The following CCT3 variants were observed in gnomAD, a reference collection of about 807,000 sequenced individuals.
CCT3 encodes the protein T-complex protein 1 subunit gamma.
CCT3 carries 10 observed loss-of-function variants against 65.3 expected under a neutral mutation model. That is an observed-to-expected ratio of 0.15 (90% confidence interval 0.09 to 0.26). The LOEUF (loss-of-function observed/expected upper bound fraction) is 0.26, where lower values mean the gene tolerates loss of function less well. Ranked by LOEUF, CCT3 falls within the 10% of genes least tolerant of loss-of-function variation. The pLI is 1.00. For missense variants in CCT3, 626 were observed against 708.7 expected (o/e 0.88, Z 1.33); for synonymous variants, 225 against 242.3 (o/e 0.93, Z 0.66).
At chr1:156,331,544 G>A (rs550126205) in intron 5 of CCT3, among the ~76,000 whole-genome samples, 30 of 151,948 alleles carry the variant, frequency 2.0e-4, no homozygotes, top group African/African-American at 5.8e-4. Flanking sequence ...TCAGCCAGGC[G>A]TGGTGGCGCA....
At position 156,312,084 on chromosome 1, in the gene CCT3, G is replaced by C; in HGVS notation, c.1112C>G (p.Ala371Gly). Residue 371 changes from alanine (A) to glycine (G), a missense_variant, in exon 11 of 14, where the codon GCC (alanine) becomes GGC (glycine). Ala to Gly is a moderately conservative substitution (Grantham distance 60, BLOSUM62 0). Transcript: ENST00000295688. ...AGCCCCCCGGAGGAGAATGGTGCAG[G>C]CCTTGGGGTCTTTGCAGTCAGTGAT... is the stretch of plus-strand genomic sequence containing the variant. The part of the protein sequence containing the change: ...TFITDCKDPK[A>G]CTILLRGASK... 6.2e-7 allele frequency: 1 copy of C among 1,613,594 alleles called. No individual in the cohort carries two copies. The highest frequency in any genetic ancestry group is 1.7e-5 in the Admixed American group (1 of 59,906).
intron 10 of CCT3, among the ~76,000 whole-genome samples, chr1:156,313,448 A>C (rs2101632278): frequency 6.6e-6 from 1 of 152,208 alleles, no homozygotes; most frequent in Middle Eastern, 3.4e-3. Flanking sequence ...CGACCTAATC[A>C]GGAAGATTAT....
chr1:156,332,634 A>T (rs1207701658), intron 5 of CCT3: 1 of 152,220 alleles, frequency 6.6e-6, no homozygotes, highest in Non-Finnish European at 1.5e-5. Context: ...ACACTGTAAA[A>T]AAAAGTGTCC....
chr1:156,334,681 A>C (rs774870819), intron 4 of CCT3, 32 bp downstream of exon 4: 9 of 1,606,260 alleles, frequency 5.6e-6, no homozygotes, highest in Non-Finnish European at 7.7e-6. Flanking sequence ...ACTGTCAGAA[A>C]GCAAAAAAAC....
At position 156,328,023 on chromosome 1, in the gene CCT3, C is replaced by T. The variant is rs540710417; in HGVS notation, c.305-2934G>A. ...GGAGCCCCTCCGTCCGGCAGCCACC[C>T]CGTCCGGGAGGGAGGTGGGGGTCCA... On this transcript the variant is annotated intron_variant, in intron 5 of 13. Transcript: ENST00000295688. Among the ~76,000 whole-genome samples the T allele has an allele frequency of 7.7e-5, 3 of 39,050 alleles. 1 individual carries two copies. Among genetic ancestry groups the T allele is most frequent in the African/African-American group, 9.9e-5 (1 of 10,060 alleles). The allele number at this position is 39,050 out of a possible 152,430, so 25.6% of individuals were successfully genotyped here.
intron 7 of CCT3, among the ~76,000 whole-genome samples, chr1:156,319,909 G>A (rs1032115430): frequency 2.0e-5 from 3 of 152,100 alleles, no homozygotes; most frequent in African/African-American, 4.8e-5. Flanking sequence ...CCCTTGTTAA[G>A]CTTATATCCT....
chr1:156,310,290 C>T (rs1479136167), intron 13 of CCT3, among the ~76,000 whole-genome samples: 1 of 151,822 alleles, frequency 6.6e-6, no homozygotes, highest in Non-Finnish European at 1.5e-5. Flanking sequence ...GTCAGGAGTT[C>T]GAGACCAGCC....
At chr1:156,310,534 T>G in intron 13 of CCT3, 24 bp downstream of exon 13, 2 of 1,569,994 alleles carry the variant, frequency 1.3e-6, no homozygotes, top group Non-Finnish European at 1.7e-6. Flanking sequence ...TAAAACAGCG[T>G]GTACATATCT....
chr1:156,313,350 G>GA (rs58926932), intron 10 of CCT3, among the ~76,000 whole-genome samples: 59,682 of 108,450 alleles, frequency 0.55, 16,013 homozygotes, highest in African/African-American at 0.63. Flanking sequence ...AAAAAAAAAA[G>GA]AAAAAAAAAA....
At chr1:156,338,056 T>C in intron 1 of CCT3, 98 bp downstream of exon 1, 1 of 1,325,828 alleles carries the variant, frequency 7.5e-7, no homozygotes, top group Non-Finnish European at 1.1e-6. Flanking sequence ...GAAGGCTCAG[T>C]GGCCCGGTCA....
intron 5 of CCT3, among the ~76,000 whole-genome samples, chr1:156,330,476 C>T (rs1374285226): frequency 1.3e-5 from 2 of 151,948 alleles, no homozygotes; most frequent in Admixed American, 1.3e-4. Flanking sequence ...CCAGCCTGGC[C>T]AACATGGTGA....
At chr1:156,310,332 A>G (rs1406691559) in intron 13 of CCT3, among the ~76,000 whole-genome samples, 1 of 151,812 alleles carries the variant, frequency 6.6e-6, no homozygotes, top group Non-Finnish European at 1.5e-5. Flanking sequence ...ATCTCTACTA[A>G]AAAATACAAA....
chr1:156,330,228 C>G (rs1311809851), intron 5 of CCT3, among the ~76,000 whole-genome samples: 1 of 152,154 alleles, frequency 6.6e-6, no homozygotes, highest in African/African-American at 2.4e-5. Flanking sequence ...TCTTTCCTCC[C>G]TCCTCTTTCA....
chr1:156,319,319 T>G (rs572141096), intron 7 of CCT3, among the ~76,000 whole-genome samples: 1 of 151,852 alleles, frequency 6.6e-6, no homozygotes, highest in Non-Finnish European at 1.5e-5. Flanking sequence ...GGTTTCACCA[T>G]GTTAGCCAGG....
At chr1:156,309,350 G>A in intron 13 of CCT3, 47 bp from the exon 14 acceptor site, 3 of 1,283,224 alleles carry the variant, frequency 2.3e-6, no homozygotes, top group Non-Finnish European at 2.3e-6. Context: ...AGAAGGAAAG[G>A]ACACTTTTCT....
intron 7 of CCT3, among the ~76,000 whole-genome samples, chr1:156,319,670 G>A (rs1034556869): frequency 6.6e-6 from 1 of 152,016 alleles, no homozygotes; most frequent in African/African-American, 2.4e-5. Flanking sequence ...CCGGGAGTTC[G>A]AGACCAGCCT....
At chr1:156,313,721 C>A (rs1380028126) in intron 10 of CCT3, among the ~76,000 whole-genome samples, 1 of 152,206 alleles carries the variant, frequency 6.6e-6, no homozygotes, top group Non-Finnish European at 1.5e-5. Flanking sequence ...GAGTTCAACA[C>A]TGAAGACATT....
chr1:156,315,583 A>G (rs11585387), intron 10 of CCT3, among the ~76,000 whole-genome samples: 1 of 152,258 alleles, frequency 6.6e-6, no homozygotes, highest in Non-Finnish European at 1.5e-5. Context: ...CATATGATAT[A>G]CAAAATATGT....
intron 10 of CCT3, among the ~76,000 whole-genome samples, chr1:156,316,958 T>G (rs948380064): frequency 6.6e-6 from 1 of 152,162 alleles, no homozygotes; most frequent in African/African-American, 2.4e-5. Flanking sequence ...AGCTGCTCAC[T>G]AATGGTTAGG....
Sources: gnomAD v4.1 joint callset for allele counts (sites outside exome capture counted in the v4.1 genomes callset) on GRCh38, gnomAD v4.1.1 for gene constraint, MANE v1.5 for transcripts, NCBI Gene and HGNC (gene_info 2026-07-23, HGNC 2026-07-21) for gene names.